Variants in GRID2 observed in about 807,000 individuals in gnomAD.
The protein encoded by GRID2 is glutamate ionotropic receptor delta type subunit 2, also known as glutamate receptor ionotropic, delta-2.
Under a neutral mutation model 114.8 loss-of-function variants are expected in GRID2, and 33 were observed. The observed-to-expected ratio is 0.29, with a 90% CI of 0.22 to 0.38. GRID2 has a LOEUF of 0.38. Among genes scored for constraint, GRID2 ranks in the 10% least tolerant of loss-of-function variants. GRID2 has a pLI of 1.00. For missense variants in GRID2, 1,184 were observed against 1,257.7 expected, an observed-to-expected ratio of 0.94 and a Z score of 0.89; for synonymous variants, 505 against 449.9, an observed-to-expected ratio of 1.12 and a Z score of -1.55.
At chr4:92,995,807 A>G (rs777534973) in intron 2 of GRID2, among the ~76,000 whole-genome samples, 9 of 152,176 alleles carry the variant, frequency 5.9e-5, no homozygotes, top group Non-Finnish European at 1.3e-4. Flanking sequence ...AGATAATGCT[A>G]CAATATGTTA....
At chr4:92,516,677 C>A (rs902814271) in intron 1 of GRID2, among the ~76,000 whole-genome samples, 6 of 151,778 alleles carry the variant, frequency 4.0e-5, no homozygotes, top group Admixed American at 3.3e-4. Flanking sequence ...AAAACCATAA[C>A]CTTCCCTAAG....
At chr4:92,507,703 A>G (rs1216107585) in intron 1 of GRID2, among the ~76,000 whole-genome samples, 1 of 151,680 alleles carries the variant, frequency 6.6e-6, no homozygotes, top group Non-Finnish European at 1.5e-5. Context: ...TTCCTCTTTT[A>G]CCTGATGCAA....
At chr4:92,386,777 A>T (rs1310458089) in intron 1 of GRID2, among the ~76,000 whole-genome samples, 1 of 151,888 alleles carries the variant, frequency 6.6e-6, no homozygotes, top group Non-Finnish European at 1.5e-5. Flanking sequence ...AGTAATTTGC[A>T]ATTAATACAA....
chr4:93,456,071 A>G (rs540752784), intron 11 of GRID2, 97 bp downstream of exon 11: 29 of 732,566 alleles, frequency 4.0e-5, no homozygotes, highest in African/African-American at 1.7e-4. Context: ...TCTGACATCA[A>G]TAAGTGTTCT....
intron 8 of GRID2, among the ~76,000 whole-genome samples, chr4:93,254,348 G>A (rs1490409573): frequency 2.0e-5 from 3 of 152,046 alleles, no homozygotes; most frequent in Non-Finnish European, 4.4e-5. Context: ...TATAGGTTGT[G>A]CTTTGAAATG....
At chr4:93,283,402 G>A (rs747778588) in intron 8 of GRID2, among the ~76,000 whole-genome samples, 31 of 152,028 alleles carry the variant, frequency 2.0e-4, no homozygotes, top group Non-Finnish European at 2.1e-4. Context: ...AATTCTTTCC[G>A]TCTCTGCTCA....
chr4:92,971,489 A>G (rs1357570159), intron 2 of GRID2, among the ~76,000 whole-genome samples: 2 of 152,032 alleles, frequency 1.3e-5, no homozygotes, highest in African/African-American at 2.4e-5. Context: ...TAATGATCAA[A>G]TCAGAGTAAT....
chr4:93,632,776 G>A lies in GRID2; in HGVS notation c.2360+6341G>A, dbSNP rs185072739. On this transcript the variant is annotated intron_variant, in intron 14 of 15. Transcript: ENST00000282020. ...AAGAAAGTCATTGGTAGCTTGATGC[G>A]GATGGCATTGAATGTATAAATTACC... Among the ~76,000 whole-genome samples the A allele has an allele frequency of 2.3e-3, 351 of 152,214 alleles. 2 individuals carry two copies. The highest frequency in any genetic ancestry group is 3.6e-3 in the Non-Finnish European group (248 of 68,006).
At chr4:93,036,646 C>G (rs972196583) in intron 2 of GRID2, among the ~76,000 whole-genome samples, 10 of 152,032 alleles carry the variant, frequency 6.6e-5, no homozygotes, top group African/African-American at 2.4e-4. Context: ...CTTTTAGATG[C>G]CCTTAAACTG....
Position 92,715,284 on chromosome 4 carries a change from G to A in GRID2, c.244+124998G>A, listed in dbSNP as rs555325406. ...TGTCTGTCTGAGACCACCTTAGCCT[G>A]GATTTCATTGTCCATATCATTATCA... On this transcript the variant is annotated intron_variant, in intron 2 of 15. Transcript: ENST00000282020. Among the ~76,000 whole-genome samples the A allele has an allele frequency of 1.7e-3, 254 of 152,240 alleles. 5 individuals carry two copies. The highest frequency in any genetic ancestry group is 4.3e-4 in the Non-Finnish European group (29 of 68,032).
chr4:93,292,507 C>G (rs1382510721), intron 8 of GRID2, among the ~76,000 whole-genome samples: 1 of 152,056 alleles, frequency 6.6e-6, no homozygotes, highest in East Asian at 1.9e-4. Context: ...CTTTTCTTTC[C>G]CAGGTAGAAA....
intron 3 of GRID2, among the ~76,000 whole-genome samples, chr4:93,100,089 A>C (rs1731570655): frequency 6.6e-6 from 1 of 151,942 alleles, no homozygotes; most frequent in Non-Finnish European, 1.5e-5. Context: ...CAAACATCTT[A>C]TTGAACCATT....
At chr4:92,550,045 A>T (rs551986821) in intron 1 of GRID2, among the ~76,000 whole-genome samples, 1 of 152,270 alleles carries the variant, frequency 6.6e-6, no homozygotes, top group South Asian at 2.1e-4. Flanking sequence ...TTACAGTGAG[A>T]TAATTAAATA....
At chr4:92,709,589 A>ATAT (rs1553919234) in intron 2 of GRID2, among the ~76,000 whole-genome samples, 286 of 114,624 alleles carry the variant, frequency 2.5e-3, no homozygotes, top group African/African-American at 4.7e-3. Flanking sequence ...AAAAAAAAAA[A>ATAT]ATATATATAT....
intron 2 of GRID2, among the ~76,000 whole-genome samples, chr4:92,681,389 A>G (rs1462058513): frequency 6.6e-6 from 1 of 152,142 alleles, no homozygotes; most frequent in Non-Finnish European, 1.5e-5. Flanking sequence ...CCCACCTATG[A>G]GTGAGAACAT....
intron 4 of GRID2, among the ~76,000 whole-genome samples, chr4:93,199,392 A>G (rs545153977): frequency 2.0e-5 from 3 of 152,210 alleles, no homozygotes; most frequent in Non-Finnish European, 2.9e-5. Context: ...AATGCAGTCT[A>G]TCTCTTGCAT....
intron 13 of GRID2, among the ~76,000 whole-genome samples, chr4:93,621,969 T>G (rs917847195): frequency 1.3e-5 from 2 of 152,138 alleles, no homozygotes; most frequent in African/African-American, 4.8e-5. Context: ...GCTAGAAAAC[T>G]TTTCTAACAG....
At chr4:93,196,565 G>A (rs1017929672) in intron 4 of GRID2, among the ~76,000 whole-genome samples, 1 of 152,058 alleles carries the variant, frequency 6.6e-6, no homozygotes, top group African/African-American at 2.4e-5. Flanking sequence ...AACTAGGACT[G>A]TTTTTTAATG....
chr4:93,698,012 A>C (rs1727195132), intron 14 of GRID2, among the ~76,000 whole-genome samples: 1 of 151,860 alleles, frequency 6.6e-6, no homozygotes, highest in African/African-American at 2.4e-5. Flanking sequence ...GCTTACTATA[A>C]AAGTTTACGG....
Sources: gnomAD v4.1 joint callset for allele counts (sites outside exome capture counted in the v4.1 genomes callset) on GRCh38, gnomAD v4.1.1 for gene constraint, MANE v1.5 for transcripts, NCBI Gene and HGNC (gene_info 2026-07-23, HGNC 2026-07-21) for gene names.